The following GPHN variants were observed in gnomAD, a reference collection of about 807,000 sequenced individuals.
GPHN encodes gephyrin.
In GPHN, 17 loss-of-function variants were observed where a neutral mutation model predicts 95.5. The observed-to-expected ratio is 0.18, with a 90% CI of 0.12 to 0.27. GPHN has a LOEUF of 0.27. GPHN is among the 10% of genes least tolerant of loss of function. The probability of loss-of-function intolerance (pLI) is 1.00; values close to 1 mark genes in which losing one functional copy is unlikely to be tolerated. For synonymous variants in GPHN, 320 were observed against 322.5 expected (o/e 0.99, Z 0.08); for missense variants, 660 against 978.1 (o/e 0.67, Z 4.34).
the GPHN span, chr14:67,584,053 G>A: frequency 6.2e-7 from 1 of 1,613,982 alleles, no homozygotes; most frequent in Non-Finnish European, 8.5e-7. Context: ...CTCCCCTCCT[G>A]AGTGCATCCG....
intron 8 of GPHN, among the ~76,000 whole-genome samples, chr14:66,942,855 GC>G (rs1391834907): frequency 6.6e-6 from 1 of 152,152 alleles, no homozygotes; most frequent in Non-Finnish European, 1.5e-5. Context: ...ATTTTGGGAA[GC>G]CTATTAAATA....
At chr14:66,520,206 G>GT (rs529691786) in intron 1 of GPHN, among the ~76,000 whole-genome samples, 1 of 152,058 alleles carries the variant, frequency 6.6e-6, no homozygotes, top group Non-Finnish European at 1.5e-5. Context: ...AAGTTTATAA[G>GT]TTTTTTATAA....
intron 1 of GPHN, among the ~76,000 whole-genome samples, chr14:66,638,889 T>C (rs1424910596): frequency 6.6e-6 from 1 of 152,106 alleles, no homozygotes; most frequent in African/African-American, 2.4e-5. Context: ...AAGATGCATT[T>C]CTTCAGACAA....
At chr14:67,169,264 C>T (rs910752518) in intron 21 of GPHN, 5 of 571,762 alleles carry the variant, frequency 8.7e-6, no homozygotes, top group Admixed American at 3.0e-5. Flanking sequence ...AGTCCATATA[C>T]GAGTCCAGAG....
At chr14:67,445,574 A>ATTTTTTTTTTTT in the GPHN span, among the ~76,000 whole-genome samples, 6 of 98,674 alleles carry the variant, frequency 6.1e-5, no homozygotes, top group African/African-American at 1.9e-4. Context: ...AAGAGAGGCA[A>ATTTTTTTTTTTT]TTCTTTTTTT....
At chr14:67,720,061 C>A in the GPHN span, among the ~76,000 whole-genome samples, 670 of 152,332 alleles carry the variant, frequency 4.4e-3, 35 homozygotes, top group East Asian at 0.1. Flanking sequence ...AATGCATCAG[C>A]ATTATTTCTT....
chr14:67,037,165 C>G (rs2153633953), intron 10 of GPHN, among the ~76,000 whole-genome samples: 1 of 152,036 alleles, frequency 6.6e-6, no homozygotes, highest in Non-Finnish European at 1.5e-5. Flanking sequence ...AAGATGGTGC[C>G]AAGACCATTC....
At chr14:66,930,525 GT>G (rs59312092) in intron 8 of GPHN, among the ~76,000 whole-genome samples, 18,653 of 130,686 alleles carry the variant, frequency 0.14, 1,726 homozygotes, top group East Asian at 0.4. Flanking sequence ...AAAGTTGTAG[GT>G]TTTTTTTTTT....
chr14:67,590,386 G>A, the GPHN span, among the ~76,000 whole-genome samples: 2 of 151,622 alleles, frequency 1.3e-5, no homozygotes, highest in Non-Finnish European at 1.5e-5. Flanking sequence ...CCGAGTAGCT[G>A]GGATTACAGG....
At chr14:67,296,467 G>A in the GPHN span, among the ~76,000 whole-genome samples, 3 of 151,506 alleles carry the variant, frequency 2.0e-5, no homozygotes, top group African/African-American at 7.3e-5. Flanking sequence ...CGGGTGTGGT[G>A]GTACTCAGGA....
rs113326088 is a variant in GPHN, at chr14:66,749,058, C to T, written c.144-27406C>T. 6.3e-4 allele frequency among the ~76,000 whole-genome samples: 96 copies of T among 151,998 alleles called. 2 individuals are homozygous for T. Among genetic ancestry groups the T allele is most frequent in the Admixed American group, 1.9e-3 (29 of 15,238 alleles). On this transcript the variant is annotated intron_variant, in intron 2 of 22. Transcript: ENST00000478722. ...CAGCAACCATGGATATTTTTAATGT[C>T]TCTATAGTTTTGCTTTTTCCAAAAT...
At chr14:66,816,813 T>C (rs2060987379) in intron 3 of GPHN, among the ~76,000 whole-genome samples, 1 of 151,982 alleles carries the variant, frequency 6.6e-6, no homozygotes, top group South Asian at 2.1e-4. Flanking sequence ...AAAGCTGAAC[T>C]CAAAGAGATT....
intron 10 of GPHN, among the ~76,000 whole-genome samples, chr14:67,042,011 GTCT>G (rs2074731200): frequency 6.6e-6 from 1 of 151,476 alleles, no homozygotes; most frequent in Admixed American, 6.6e-5. Context: ...CTGCATAAAT[GTCT>G]TCTTTTGAGA....
intron 2 of GPHN, among the ~76,000 whole-genome samples, chr14:66,715,929 A>G (rs1458124223): frequency 6.6e-6 from 1 of 152,068 alleles, no homozygotes; most frequent in African/African-American, 2.4e-5. Flanking sequence ...AGAAAGTTCC[A>G]TGTGCTGTTG....
the GPHN span, among the ~76,000 whole-genome samples, chr14:67,701,457 T>G: frequency 1.5e-5 from 2 of 134,112 alleles, no homozygotes. Context: ...TGAGATGGAG[T>G]CTGTTGCCCA....
intron 9 of GPHN, among the ~76,000 whole-genome samples, chr14:67,011,451 T>G (rs2073000083): frequency 6.6e-6 from 1 of 150,380 alleles, no homozygotes; most frequent in Admixed American, 6.6e-5. Context: ...CACATGCCTA[T>G]GGTCCCAAGC....
At chr14:66,714,859 T>A (rs1394905884) in intron 2 of GPHN, among the ~76,000 whole-genome samples, 1 of 152,190 alleles carries the variant, frequency 6.6e-6, no homozygotes, top group African/African-American at 2.4e-5. Flanking sequence ...TTTTTGATAA[T>A]GTTGTTGGAT....
rs1232893969 is a variant in GPHN at position 66,985,644 on chromosome 14, T to G, written c.963+20319T>G. ...GAAAAATTTTTAAGTTCACTTTTTC[T>G]TTATTCTGTCTTTCTTACCCATCTT... On this transcript the variant is annotated intron_variant, in intron 9 of 22. Transcript: ENST00000478722. 9 of 1,409,112 alleles carry G rather than the reference T, an allele frequency of 6.4e-6. No individual in the cohort carries two copies. In the East Asian group the frequency reaches 2.2e-4, roughly 35 times the overall value. The allele number at this position is 1,409,112 out of a possible 1,614,324, so 87.3% of individuals were successfully genotyped here. A position where few individuals can be genotyped will look rare whatever the true frequency, so the allele number is the denominator to read the frequency against.
At chr14:67,128,655 G>T (rs1293483612) in intron 17 of GPHN, among the ~76,000 whole-genome samples, 1 of 152,006 alleles carries the variant, frequency 6.6e-6, no homozygotes, top group African/African-American at 2.4e-5. Flanking sequence ...TGATGGTAAG[G>T]GCCAGCCACT....
Sources: allele counts gnomAD v4.1 joint callset (sites outside exome capture counted in the v4.1 genomes callset), GRCh38; gene constraint gnomAD v4.1.1; transcripts MANE v1.5; gene names NCBI Gene and HGNC (gene_info 2026-07-23, HGNC 2026-07-21).